Variants in TNFAIP8 observed in about 807,000 individuals in gnomAD.
TNFAIP8 encodes the protein TNF alpha induced protein 8, also known as tumor necrosis factor alpha-induced protein 8.
A neutral mutation model predicts 13.3 loss-of-function variants in TNFAIP8; 7 were observed. The ratio of observed to expected loss-of-function variants is 0.52; its 90% CI spans 0.30 to 0.99. The LOEUF is 0.99. TNFAIP8 is among the 50% of genes least tolerant of loss of function. The probability of loss-of-function intolerance (pLI) is 0.07; values close to 1 mark genes in which losing one functional copy is unlikely to be tolerated. For missense variants in TNFAIP8, 258 were observed against 236.9 expected, an observed-to-expected ratio of 1.09 and a Z score of -0.58; for synonymous variants, 94 against 87.6, an observed-to-expected ratio of 1.07 and a Z score of -0.41.
chr5:119,308,274 G>T (rs1328701305), intron 1 of TNFAIP8, among the ~76,000 whole-genome samples: 1 of 152,126 alleles, frequency 6.6e-6, no homozygotes, highest in Non-Finnish European at 1.5e-5. Context: ...TCTCCTAGGG[G>T]AATCTGTATC....
At position 119,316,159 on chromosome 5, in the gene TNFAIP8, C is replaced by CTT. The variant is rs5870851; in HGVS notation, c.1+47269_1+47270dup. 506 of 133,806 alleles carry CTT rather than the reference C, an allele frequency of 3.8e-3. 2 individuals are homozygous for CTT. The highest frequency in any genetic ancestry group is 8.4e-3 in the African/African-American group (301 of 35,780). 8.3% of individuals were successfully genotyped at this position (133,806 alleles called of 1,614,324 possible). A position where few individuals can be genotyped will look rare whatever the true frequency, so the allele number is the denominator to read the frequency against. ...AGTTGACCTTTTTCTAGTTCTTCCA[C>CTT]TTTTTTTTTTTTTTTTTTGAGACAG... On this transcript the variant is annotated intron_variant, in intron 1 of 1. Transcript: ENST00000274456.
intron 1 of TNFAIP8, among the ~76,000 whole-genome samples, chr5:119,339,584 G>C (rs1281851652): frequency 1.3e-5 from 2 of 151,886 alleles, no homozygotes; most frequent in African/African-American, 2.4e-5. Context: ...TGCTATCAGG[G>C]AGAGCAAGAA....
At chr5:119,273,188 G>A (rs1366315939) in intron 1 of TNFAIP8, among the ~76,000 whole-genome samples, 1 of 152,198 alleles carries the variant, frequency 6.6e-6, no homozygotes, top group Non-Finnish European at 1.5e-5. Flanking sequence ...AAAAACTGGG[G>A]ATAGTATTTA....
At chr5:119,350,979 T>TGTGTGTGTGTGTGTGTGTGTGTGTAG (rs762388884) in intron 1 of TNFAIP8, among the ~76,000 whole-genome samples, 21 of 132,438 alleles carry the variant, frequency 1.6e-4, no homozygotes, top group African/African-American at 5.9e-4. Flanking sequence ...TGTGTGTGTG[T>TGTGTGTGTGTGTGTGTGTGTGTGTAG]AGAGAGAGGG....
Position 119,396,384 on chromosome 5 carries a change from GTC to G in TNFAIP8, c.*3006_*3007del, listed in dbSNP as rs1293384396. 17 of 152,314 alleles carry G rather than the reference GTC, an allele frequency of 1.1e-4. No homozygotes were observed. Among genetic ancestry groups the G allele is most frequent in the African/African-American group, 3.9e-4 (16 of 41,556 alleles). 9.4% of individuals were successfully genotyped at this position (152,314 alleles called of 1,614,324 possible). On this transcript the variant is annotated 3_prime_UTR_variant, in exon 2 of 2. Coordinates refer to ENST00000504771, the MANE Select transcript of TNFAIP8 (RefSeq NM_014350.4). Reference sequence around the variant, plus strand: ...GGGGCATCTTGTGGCTCAGTTTTCTGTCTCGTGGAACTTCACTTCTAGGTGCT... The same window carrying G: ...GGGGCATCTTGTGGCTCAGTTTTCTGTCGTGGAACTTCACTTCTAGGTGCT...
At chr5:119,287,824 C>G (rs539680559) in intron 1 of TNFAIP8, among the ~76,000 whole-genome samples, 1 of 152,322 alleles carries the variant, frequency 6.6e-6, no homozygotes, top group African/African-American at 2.4e-5. Flanking sequence ...GAAATCCACT[C>G]TGTTTAGCAG....
intron 1 of TNFAIP8, among the ~76,000 whole-genome samples, chr5:119,335,536 G>A (rs1044866844): frequency 2.0e-5 from 3 of 152,004 alleles, no homozygotes; most frequent in African/African-American, 7.3e-5. Context: ...TGGTTACAGA[G>A]TCCATCCCAA....
upstream of TNFAIP8, chr5:119,355,305 G>GA (rs1751342186): frequency 1.4e-6 from 1 of 701,550 alleles, no homozygotes; most frequent in African/African-American, 1.7e-5. Flanking sequence ...CTGCAGCAAT[G>GA]AGTGCCCGGG....
At chr5:119,339,052 CAA>C (rs11366242) in intron 1 of TNFAIP8, among the ~76,000 whole-genome samples, 3 of 146,522 alleles carry the variant, frequency 2.0e-5, no homozygotes, top group African/African-American at 7.4e-5. Flanking sequence ...TCTCTTAAAA[CAA>C]AAAAAAAAGG....
chr5:119,305,205 C>G (rs1581589068), intron 1 of TNFAIP8, among the ~76,000 whole-genome samples: 1 of 152,022 alleles, frequency 6.6e-6, no homozygotes, highest in African/African-American at 2.4e-5. Flanking sequence ...CTTAAAAAAC[C>G]TCTTTGATAG....
At chr5:119,296,677 AT>A (rs1333588986) in intron 1 of TNFAIP8, among the ~76,000 whole-genome samples, 5 of 152,088 alleles carry the variant, frequency 3.3e-5, no homozygotes, top group Non-Finnish European at 7.4e-5. Context: ...TTTTCTATTG[AT>A]TGGAATAGCT....
intron 1 of TNFAIP8, among the ~76,000 whole-genome samples, chr5:119,309,053 G>A (rs1749653829): frequency 6.6e-6 from 1 of 152,178 alleles, no homozygotes; most frequent in African/African-American, 2.4e-5. Context: ...CATTGAAGGA[G>A]ACAGTTATTT....
intron 1 of TNFAIP8, among the ~76,000 whole-genome samples, chr5:119,276,091 A>C (rs1373523393): frequency 1.3e-5 from 2 of 151,832 alleles, no homozygotes; most frequent in African/African-American, 4.8e-5. Flanking sequence ...TTTACGCTTT[A>C]ATCAGTCTTT....
At chr5:119,371,369 G>A (rs187876142) in intron 1 of TNFAIP8, among the ~76,000 whole-genome samples, 13 of 152,182 alleles carry the variant, frequency 8.5e-5, no homozygotes, top group East Asian at 1.9e-4. Flanking sequence ...CAACAGTAGC[G>A]TCTGTTTCCT....
chr5:119,337,239 A>G (rs1750584092), intron 1 of TNFAIP8, among the ~76,000 whole-genome samples: 1 of 152,192 alleles, frequency 6.6e-6, no homozygotes, highest in South Asian at 2.1e-4. Context: ...CCTCATCATC[A>G]TATCTTGCAC....
At chr5:119,380,788 C>G (rs1336692539) in intron 1 of TNFAIP8, among the ~76,000 whole-genome samples, 1 of 152,148 alleles carries the variant, frequency 6.6e-6, no homozygotes, top group African/African-American at 2.4e-5. Flanking sequence ...ACAGTATTAT[C>G]TAGAATGGGC....
intron 1 of TNFAIP8, among the ~76,000 whole-genome samples, chr5:119,384,321 C>G (rs1752592937): frequency 6.6e-6 from 1 of 152,058 alleles, no homozygotes; most frequent in African/African-American, 2.4e-5. Flanking sequence ...CCCTTCTCTA[C>G]TAAAAATACA....
chr5:119,331,409 T>G (rs1481897522), intron 1 of TNFAIP8, among the ~76,000 whole-genome samples: 3 of 152,172 alleles, frequency 2.0e-5, no homozygotes, highest in Admixed American at 2.0e-4. Context: ...CAGCACACTT[T>G]GAATAGATCC....
chr5:119,276,207 TC>T (rs1404129917), intron 1 of TNFAIP8, among the ~76,000 whole-genome samples: 2 of 151,416 alleles, frequency 1.3e-5, no homozygotes, highest in African/African-American at 4.9e-5. Flanking sequence ...AACCTCTAAC[TC>T]CCGGGTTCAA....
Sources: gnomAD v4.1 joint callset for allele counts (sites outside exome capture counted in the v4.1 genomes callset) on GRCh38, gnomAD v4.1.1 for gene constraint, MANE v1.5 for transcripts, NCBI Gene and HGNC (gene_info 2026-07-23, HGNC 2026-07-21) for gene names.